The following ATP11A variants were observed in gnomAD, a reference collection of about 807,000 sequenced individuals.
ATP11A encodes phospholipid-transporting ATPase IH.
In ATP11A, 81 loss-of-function variants were observed where a neutral mutation model predicts 154.4. The observed-to-expected ratio is 0.52, with a 90% confidence interval of 0.44 to 0.63. The LOEUF (loss-of-function observed/expected upper bound fraction) is 0.63. Ranked by LOEUF, ATP11A falls within the 30% of genes least tolerant of loss-of-function variation. ATP11A has a pLI of 0.00. For synonymous variants in ATP11A, 623 were observed against 585.9 expected, an observed-to-expected ratio of 1.06 and a Z score of -0.91; for missense variants, 1,316 against 1,474.3, an observed-to-expected ratio of 0.89 and a Z score of 1.76.
rs1044174953 is a variant in ATP11A, at chr13:112,857,159, A to G, written c.2419-659A>G. Among the ~76,000 whole-genome samples the G allele has an allele frequency of 7.5e-4, 114 of 152,298 alleles. 1 individual carries two copies. The highest frequency in any genetic ancestry group is 2.4e-3 in the African/African-American group (100 of 41,572). On this transcript the variant is annotated intron_variant, in intron 20 of 29. Coordinates refer to ENST00000375645, the MANE Select transcript of ATP11A (RefSeq NM_015205.3). ...AAATTAACTTGTGTTTCAGTTTCCT[A>G]TCTTGAAACAAGAAGGCACCCACGT...
Position 112,875,921 on chromosome 13 carries a change from A to G in ATP11A, c.3307A>G (p.Thr1103Ala). The change falls in exon 28 of 30, where the codon ACA (threonine) becomes GCA (alanine). Residue 1103 changes from threonine (T) to alanine (A), a missense_variant. Thr to Ala is a moderately conservative substitution (Grantham distance 58, BLOSUM62 0). Around this residue, in one of 5 missense-constraint regions of ATP11A, gnomAD observed 294 missense variants for 290.2 expected, o/e 1.01. Coordinates refer to ENST00000375645, the MANE Select transcript of ATP11A (RefSeq NM_015205.3). The surrounding 1 kb of genome is among the most constrained non-coding windows in gnomAD (Gnocchi z 4.1). ...AGTCCTGTGCCGGCAGCTGTGGCCA[A>G]CAGCAACAGAGAGAGTCCAGGTACG... ...KKVLCRQLWP[T>A]ATERVQTKSQ... 1 of 1,612,246 alleles carries G rather than the reference A, an allele frequency of 6.2e-7. No homozygotes were observed. The highest frequency in any genetic ancestry group is 2.2e-5 in the East Asian group (1 of 44,884).
intron 2 of ATP11A, among the ~76,000 whole-genome samples, chr13:112,795,115 G>T (rs1187180373): frequency 6.6e-6 from 1 of 151,260 alleles, no homozygotes; most frequent in Non-Finnish European, 1.5e-5. Flanking sequence ...ATCTTGGGGG[G>T]TTGCCTGTAA....
chr13:112,695,813 A>T (rs1164365381), intron 1 of ATP11A, among the ~76,000 whole-genome samples: 14 of 152,252 alleles, frequency 9.2e-5, no homozygotes, highest in Admixed American at 9.2e-4. Flanking sequence ...TTAATAAAAG[A>T]TTCTCAAGTC....
chr13:112,696,560 T>C lies in ATP11A; in HGVS notation c.39+6105T>C, dbSNP rs1252721635. Among the ~76,000 whole-genome samples the C allele has an allele frequency of 6.6e-6, 1 of 152,170 alleles. No homozygotes were observed. Among genetic ancestry groups the C allele is most frequent in the Non-Finnish European group, 1.5e-5 (1 of 68,032 alleles). On this transcript the variant is annotated intron_variant, in intron 1 of 29. Transcript: ENST00000375645. The surrounding 1 kb of genome is among the most constrained non-coding windows in gnomAD (Gnocchi z 6.2). ...TGCCGTCCCGCTGTTGGCACCGCTT[T>C]AGACCCCATATTTCCCAGCGGTCAC... is the stretch of plus-strand genomic sequence containing the variant.
In ATP11A at chr13:112,886,524, G is replaced by T. The variant is rs1224672894; in HGVS notation, c.*4658G>T. 6.6e-6 allele frequency: 1 copy of T among 152,182 alleles called. No individual in the cohort carries two copies. The highest frequency in any genetic ancestry group is 1.5e-5 in the Non-Finnish European group (1 of 68,012). 9.4% of individuals were successfully genotyped at this position (152,182 alleles called of 1,614,324 possible). A position where few individuals can be genotyped will look rare whatever the true frequency, so the allele number is the denominator to read the frequency against. ...TTTAAAAACAGGAAAAATATCAGTT[G>T]GCAAATGCAATCTTTTTTTTTTTTA... On this transcript the variant is annotated 3_prime_UTR_variant, in exon 30 of 30. Coordinates refer to ENST00000375645, the MANE Select transcript of ATP11A (RefSeq NM_015205.3).
chr13:112,732,856 A>G (rs1384727122), intron 1 of ATP11A, among the ~76,000 whole-genome samples: 2 of 151,996 alleles, frequency 1.3e-5, no homozygotes. Context: ...CAGGTGATTC[A>G]CCTGCCTCGG....
chr13:112,790,888 T>A (rs938441616), intron 2 of ATP11A, among the ~76,000 whole-genome samples: 6 of 152,196 alleles, frequency 3.9e-5, no homozygotes, highest in African/African-American at 1.4e-4. Context: ...TTGCAAAAAA[T>A]TTTAATAGCT....
At chr13:112,739,243 C>T (rs1039015750) in intron 1 of ATP11A, among the ~76,000 whole-genome samples, 1 of 152,126 alleles carries the variant, frequency 6.6e-6, no homozygotes, top group South Asian at 2.1e-4. Flanking sequence ...CATTTGCATC[C>T]AGAAGACACA....
intron 24 of ATP11A, among the ~76,000 whole-genome samples, chr13:112,861,873 A>T (rs1037900302): frequency 1.4e-5 from 2 of 146,886 alleles, no homozygotes; most frequent in African/African-American, 5.5e-5. Flanking sequence ...GGCATCTTTA[A>T]TAAATCTAAA....
chr13:112,709,953 C>G (rs561680507), intron 1 of ATP11A, among the ~76,000 whole-genome samples: 1 of 152,280 alleles, frequency 6.6e-6, no homozygotes, highest in African/African-American at 2.4e-5. Context: ...TGCTGACCAG[C>G]CCCTGTTGGA....
intron 1 of ATP11A, among the ~76,000 whole-genome samples, chr13:112,718,597 C>T (rs1422633943): frequency 2.6e-5 from 4 of 151,812 alleles, no homozygotes; most frequent in East Asian, 1.9e-4. Context: ...TAACTGCCCT[C>T]GAGAGATTGT....
chr13:112,805,949 GGCGT>G (rs2078311523), intron 3 of ATP11A, among the ~76,000 whole-genome samples: 1 of 151,644 alleles, frequency 6.6e-6, no homozygotes, highest in Non-Finnish European at 1.5e-5. Context: ...ATTAATACAA[GGCGT>G]GCCCCGACTT....
At chr13:112,691,923 C>T (rs933404411) in intron 1 of ATP11A, among the ~76,000 whole-genome samples, 4 of 151,938 alleles carry the variant, frequency 2.6e-5, no homozygotes, top group Non-Finnish European at 5.9e-5. Context: ...AGAACTCACC[C>T]CTGGTGATTC....
intron 1 of ATP11A, among the ~76,000 whole-genome samples, chr13:112,736,126 G>C (rs1005294668): frequency 2.0e-5 from 3 of 152,228 alleles, no homozygotes; most frequent in African/African-American, 7.2e-5. Context: ...CAGGATGCGG[G>C]TTGTGAGGGT....
At chr13:112,805,193 GGCAAAA>G in intron 3 of ATP11A, 147 bp downstream of exon 3, 1 of 515,244 alleles carries the variant, frequency 1.9e-6, no homozygotes, top group South Asian at 4.2e-5. Flanking sequence ...CTTAAGGAAG[GGCAAAA>G]TGTCTTGGTT....
intron 1 of ATP11A, among the ~76,000 whole-genome samples, chr13:112,763,288 C>T (rs1003410651): frequency 1.5e-4 from 23 of 152,140 alleles, no homozygotes; most frequent in Admixed American, 4.6e-4. Context: ...CGAGTTCAGG[C>T]TCTGATGGGA....
At chr13:112,800,647 A>G (rs1026270391) in intron 2 of ATP11A, among the ~76,000 whole-genome samples, 6 of 152,164 alleles carry the variant, frequency 3.9e-5, no homozygotes, top group African/African-American at 1.2e-4. Context: ...AATTCGTTCT[A>G]TGAGGCCAGC....
Position 112,857,881 on chromosome 13 carries a change from A to G in ATP11A, c.2482A>G (p.Asn828Asp), listed in dbSNP as rs1165714652. The G allele has an allele frequency of 1.9e-6, 3 of 1,614,238 alleles. No homozygotes were observed. The highest frequency in any genetic ancestry group is 1.7e-5 in the Admixed American group (1 of 60,028). Residue 828 changes from asparagine (N) to aspartate (D), a missense_variant, in exon 21 of 30, where the codon AAT (asparagine) becomes GAT (aspartate). By Grantham distance (23) the Asn-to-Asp change is conservative. Transcript: ENST00000375645. Reference sequence around the variant, plus strand: ...CACGTTAGCAATTGGCGATGGTGCAAATGATGTCAGCATGATTCTGGAAGC... The same window carrying G: ...CACGTTAGCAATTGGCGATGGTGCAGATGATGTCAGCATGATTCTGGAAGC... ...PITLAIGDGA[N>D]DVSMILEAHV...
rs369435147 is a variant in ATP11A, at chr13:112,826,680, T to G, written c.1024-14T>G. Reference sequence around the variant, plus strand: ...CCTGGTGGAGGTGCTGACCCGCACCTTCTGCTCTTGCAGTTCCTCAAGGCA... The same window carrying G: ...CCTGGTGGAGGTGCTGACCCGCACCGTCTGCTCTTGCAGTTCCTCAAGGCA... On this transcript the variant is annotated splice_polypyrimidine_tract_variant and intron_variant, in intron 11 of 29. Transcript: ENST00000375645. The G allele has an allele frequency of 1.9e-6, 3 of 1,613,732 alleles. No individual in the cohort carries two copies. Among genetic ancestry groups the G allele is most frequent in the Non-Finnish European group, 2.5e-6 (3 of 1,179,822 alleles).
Sources: gnomAD v4.1 joint callset for allele counts (sites outside exome capture counted in the v4.1 genomes callset) on GRCh38, gnomAD v4.1.1 for gene constraint, gnomAD v4.1.1 regional missense constraint, Gnocchi (gnomAD v3.1) non-coding constraint, MANE v1.5 for transcripts, NCBI Gene and HGNC (gene_info 2026-07-23, HGNC 2026-07-21) for gene names.